Variants in BAG4 observed in about 807,000 individuals in gnomAD.
BAG4 encodes the protein BAG cochaperone 4, also known as BAG family molecular chaperone regulator 4.
BAG4 carries 28 observed loss-of-function variants against 52.1 expected under a neutral mutation model. The observed-to-expected ratio is 0.54, with a 90% CI of 0.40 to 0.74. The LOEUF (loss-of-function observed/expected upper bound fraction) is 0.74, where lower values mean the gene tolerates loss of function less well. Among genes scored for constraint, BAG4 ranks in the 30% least tolerant of loss-of-function variants. BAG4 has a pLI of 0.00. For missense variants in BAG4, 525 were observed against 572.0 expected, an observed-to-expected ratio of 0.92 and a Z score of 0.84; for synonymous variants, 208 against 217.0, an observed-to-expected ratio of 0.96 and a Z score of 0.37.
intron 2 of BAG4, among the ~76,000 whole-genome samples, chr8:38,198,493 TG>T (rs1248743862): frequency 2.7e-5 from 4 of 150,278 alleles, no homozygotes; most frequent in African/African-American, 7.4e-5. Context: ...GTTTGTTTTT[TG>T]TTTTTTTTTT....
chr8:38,200,149 G>A (rs1367053953), intron 2 of BAG4, among the ~76,000 whole-genome samples: 3 of 151,810 alleles, frequency 2.0e-5, no homozygotes, highest in Non-Finnish European at 2.9e-5. Flanking sequence ...GATTACAGGC[G>A]GCTGCCACCA....
chr8:38,177,077 G>C lies in BAG4; in HGVS notation c.208G>C (p.Asp70His). ...CTGGCTGGGAGAAGGCGGAGGAGGC[G>C]ATGGCTACTATCCCTCGGGAGGCGC... Reference protein sequence around the residue: ...TTWLGEGGGGDGYYPSGGAWP... With the variant: ...TTWLGEGGGGHGYYPSGGAWP... The change falls in exon 1 of 5, where the codon GAT (aspartate) becomes CAT (histidine). Residue 70 changes from aspartate (D) to histidine (H), a missense_variant. By Grantham distance (81) the Asp-to-His change is moderately conservative (BLOSUM62 -1). Transcript: ENST00000287322. The C allele has an allele frequency of 6.2e-7, 1 of 1,612,208 alleles. No individual in the cohort carries two copies. The highest frequency in any genetic ancestry group is 8.5e-7 in the Non-Finnish European group (1 of 1,179,684).
chr8:38,202,730 T>TG (rs1469217063), intron 2 of BAG4, among the ~76,000 whole-genome samples: 9 of 151,712 alleles, frequency 5.9e-5, no homozygotes, highest in African/African-American at 2.2e-4. Context: ...TTTGTAGAGA[T>TG]GGGGTCTCAC....
Position 38,189,609 on chromosome 8 carries a change from G to A in BAG4, c.271-3079G>A, listed in dbSNP as rs180717786. 1.6e-3 allele frequency among the ~76,000 whole-genome samples: 247 copies of A among 152,242 alleles called. 2 individuals carry two copies. The highest frequency in any genetic ancestry group is 5.6e-3 in the African/African-American group (231 of 41,532). On this transcript the variant is annotated intron_variant, in intron 1 of 4. Coordinates refer to ENST00000287322, the MANE Select transcript of BAG4 (RefSeq NM_004874.4). ...GGTTCTTCTCTAGGCCCCAGGTTCA[G>A]TTCAGGTCTACCTGTGTGTCTTCTC...
intron 1 of BAG4, among the ~76,000 whole-genome samples, chr8:38,178,605 T>A (rs544811119): frequency 5.0e-4 from 76 of 152,354 alleles, no homozygotes; most frequent in African/African-American, 1.8e-3. Flanking sequence ...ATTCATTCAA[T>A]GGAGTATTAT....
Position 38,207,495 on chromosome 8 carries a change from A to G in BAG4, c.379-17A>G, listed in dbSNP as rs551547327. 11 of 1,599,858 alleles carry G rather than the reference A, an allele frequency of 6.9e-6. No individual in the cohort carries two copies. The South Asian group carries it at 1.0e-4, about 14-fold the overall frequency. On this transcript the variant is annotated splice_polypyrimidine_tract_variant and intron_variant, in intron 2 of 4. Coordinates refer to ENST00000287322, the MANE Select transcript of BAG4 (RefSeq NM_004874.4). Reference sequence around the variant, plus strand: ...CTACTAATTCATCTTTTTTTCACTCAACTTGGTTTTTTTCAGAGTTTGAAT... The same window carrying G: ...CTACTAATTCATCTTTTTTTCACTCGACTTGGTTTTTTTCAGAGTTTGAAT...
chr8:38,194,409 C>CTTTTTTTT (rs750931003), intron 2 of BAG4, among the ~76,000 whole-genome samples: 9 of 78,612 alleles, frequency 1.1e-4, no homozygotes, highest in Non-Finnish European at 1.9e-4. Flanking sequence ...TAGGTGTGTA[C>CTTTTTTTT]TTTTTTTTTT....
At chr8:38,206,413 A>G (rs1443438675) in intron 2 of BAG4, among the ~76,000 whole-genome samples, 1 of 151,972 alleles carries the variant, frequency 6.6e-6, no homozygotes, top group East Asian at 2.0e-4. Context: ...AAGAGTCTGA[A>G]TAGGTTATTT....
At chr8:38,179,326 T>G (rs887287332) in intron 1 of BAG4, among the ~76,000 whole-genome samples, 19 of 151,734 alleles carry the variant, frequency 1.3e-4, no homozygotes, top group Non-Finnish European at 2.4e-4. Context: ...CCAACTAAAT[T>G]TTGTATTTTA....
At chr8:38,196,640 G>T (rs2130678898) in intron 2 of BAG4, among the ~76,000 whole-genome samples, 1 of 151,872 alleles carries the variant, frequency 6.6e-6, no homozygotes, top group African/African-American at 2.4e-5. Context: ...AACAGAGCGA[G>T]ACTCTGTCTC....
chr8:38,204,919 T>C (rs1391874356), intron 2 of BAG4, among the ~76,000 whole-genome samples: 3 of 152,120 alleles, frequency 2.0e-5, no homozygotes, highest in Non-Finnish European at 4.4e-5. Flanking sequence ...ATAACCACAA[T>C]GTTTTTAAAC....
At chr8:38,180,630 G>A (rs758135884) in intron 1 of BAG4, among the ~76,000 whole-genome samples, 22 of 146,710 alleles carry the variant, frequency 1.5e-4, no homozygotes, top group Non-Finnish European at 2.8e-4. Context: ...CATTTTTATA[G>A]TATACATCTG....
chr8:38,188,834 C>A (rs1803418624), intron 1 of BAG4, among the ~76,000 whole-genome samples: 1 of 151,998 alleles, frequency 6.6e-6, no homozygotes, highest in Non-Finnish European at 1.5e-5. Context: ...TGCTCTGTCA[C>A]CCAGGCTGGA....
intron 1 of BAG4, among the ~76,000 whole-genome samples, chr8:38,187,207 G>A (rs1803377452): frequency 6.6e-6 from 1 of 152,130 alleles, no homozygotes; most frequent in Non-Finnish European, 1.5e-5. Flanking sequence ...AGCAAAGAAA[G>A]GTGTGTGATA....
Position 38,207,693 on chromosome 8 carries a change from T to C in BAG4, c.560T>C (p.Ile187Thr). The C allele has an allele frequency of 6.2e-7, 1 of 1,614,114 alleles. No homozygotes were observed. The highest frequency in any genetic ancestry group is 8.5e-7 in the Non-Finnish European group (1 of 1,179,994). The change falls in exon 3 of 5, where the codon ATC (isoleucine) becomes ACC (threonine). Residue 187 changes from isoleucine (I) to threonine (T), a missense_variant. Around this residue, in one of 2 missense-constraint regions of BAG4, gnomAD observed 287 missense variants for 266.1 expected, o/e 1.08. Coordinates refer to ENST00000287322, the MANE Select transcript of BAG4 (RefSeq NM_004874.4). ...GNSPTPVSRWIYPQQDCQTEA... is the reference protein window; with the variant it reads ...GNSPTPVSRWTYPQQDCQTEA... Reference sequence around the variant, plus strand: ...AGCCCAACTCCAGTCTCTCGTTGGATCTATCCCCAGCAGGACTGTCAGACT... The same window carrying C: ...AGCCCAACTCCAGTCTCTCGTTGGACCTATCCCCAGCAGGACTGTCAGACT...
At chr8:38,184,235 G>A (rs959545933) in intron 1 of BAG4, among the ~76,000 whole-genome samples, 5 of 152,070 alleles carry the variant, frequency 3.3e-5, no homozygotes, top group African/African-American at 1.2e-4. Flanking sequence ...GGGAGGCTGA[G>A]GCAGGTGGAT....
rs1803840467 is a variant in BAG4, at chr8:38,210,058, C to T, written c.939C>T (p.Asn313=). ...CAGATCAAAGCATGAACCGGCACAA[C>T]TTTCCTTGCAGTGTCCATCAGTACG... ...SQSDQSMNRH[N]FPCSVHQYES... is the part of the protein sequence containing the mutation. Residue 313 remains asparagine, a synonymous_variant, in exon 5 of 5, where the codon AAC becomes AAT. Coordinates refer to ENST00000287322, the MANE Select transcript of BAG4 (RefSeq NM_004874.4). The T allele has an allele frequency of 6.2e-7, 1 of 1,614,072 alleles. No individual in the cohort carries two copies. Among genetic ancestry groups the T allele is most frequent in the African/African-American group, 1.3e-5 (1 of 74,934 alleles).
chr8:38,182,840 C>T (rs1803293889), intron 1 of BAG4, among the ~76,000 whole-genome samples: 1 of 151,724 alleles, frequency 6.6e-6, no homozygotes, highest in Admixed American at 6.6e-5. Flanking sequence ...TATTTTTTTC[C>T]TTAAGACAAT....
chr8:38,197,501 G>T (rs553412256), intron 2 of BAG4, among the ~76,000 whole-genome samples: 2 of 152,304 alleles, frequency 1.3e-5, no homozygotes, highest in African/African-American at 2.4e-5. Context: ...CAGGGCATTT[G>T]CCATGAATGG....
Sources: gnomAD v4.1 joint callset for allele counts (sites outside exome capture counted in the v4.1 genomes callset) on GRCh38, gnomAD v4.1.1 for gene constraint, gnomAD v4.1.1 regional missense constraint, MANE v1.5 for transcripts, NCBI Gene and HGNC (gene_info 2026-07-23, HGNC 2026-07-21) for gene names.